Variants in RBPMS observed in about 807,000 individuals in gnomAD.
The protein encoded by RBPMS is RNA-binding protein with multiple splicing.
A neutral mutation model predicts 26.8 loss-of-function variants in RBPMS; 7 were observed. The ratio of observed to expected loss-of-function variants is 0.26; its 90% CI spans 0.15 to 0.49. The LOEUF is 0.49. Among genes scored for constraint, RBPMS ranks in the 20% least tolerant of loss-of-function variants. RBPMS has a pLI of 0.98. For missense variants in RBPMS, 186 were observed against 250.0 expected, an observed-to-expected ratio of 0.74 and a Z score of 1.73; for synonymous variants, 96 against 93.3, an observed-to-expected ratio of 1.03 and a Z score of -0.17.
intron 1 of RBPMS, among the ~76,000 whole-genome samples, chr8:30,425,589 G>A (rs1005379498): frequency 9.9e-5 from 15 of 151,660 alleles, no homozygotes; most frequent in African/African-American, 3.1e-4. Flanking sequence ...TAGTAGAGAC[G>A]GGGTTTCTCC....
chr8:30,479,722 C>T (rs1176652095), intron 4 of RBPMS, among the ~76,000 whole-genome samples: 1 of 151,876 alleles, frequency 6.6e-6, no homozygotes, highest in Non-Finnish European at 1.5e-5. Context: ...TTAGCTTGCT[C>T]ATCATTATAC....
rs573503726 is a variant in RBPMS at position 30,471,203 on chromosome 8, T to G, written c.67-3576T>G. Among the ~76,000 whole-genome samples the G allele has an allele frequency of 1.4e-4, 21 of 152,330 alleles. No homozygotes were observed. The East Asian group carries it at 4.1e-3, about 29-fold the overall frequency. Reference sequence around the variant, plus strand: ...GATAAATTTTTTTCCTCTAAATACTTATATGTTGGCTACTTTATAGAACAA... The same window carrying G: ...GATAAATTTTTTTCCTCTAAATACTGATATGTTGGCTACTTTATAGAACAA... On this transcript the variant is annotated intron_variant, in intron 1 of 8. Coordinates refer to ENST00000397323, the MANE Select transcript of RBPMS (RefSeq NM_001008710.3).
At chr8:30,411,305 G>A (rs1220912201) in intron 1 of RBPMS, among the ~76,000 whole-genome samples, 1 of 152,114 alleles carries the variant, frequency 6.6e-6, no homozygotes, top group African/African-American at 2.4e-5. Flanking sequence ...GGAATCTTCT[G>A]GAGATTCTGT....
At chr8:30,440,818 G>A (rs1396317469) in intron 1 of RBPMS, among the ~76,000 whole-genome samples, 1 of 149,786 alleles carries the variant, frequency 6.7e-6, no homozygotes, top group Non-Finnish European at 1.5e-5. Context: ...TTAAGAGATA[G>A]GTTTTCACTA....
chr8:30,422,952 A>G lies in RBPMS; in HGVS notation c.66+37794A>G, dbSNP rs138638705. Among the ~76,000 whole-genome samples, 700 of 152,362 alleles carry G rather than the reference A, an allele frequency of 4.6e-3. 5 individuals are homozygous for G. The highest frequency in any genetic ancestry group is 0.016 in the African/African-American group (664 of 41,580). The stretch of plus-strand genomic sequence containing the variant: ...AATGGGTGAAACAGGGAATTCTATG[A>G]TCGCAGCAAGTCCCTTTCTTCTACA... On this transcript the variant is annotated intron_variant, in intron 1 of 8. Transcript: ENST00000397323.
rs80297945 is a variant in RBPMS at position 30,411,571 on chromosome 8, G to A, written c.66+26413G>A. ...TCTCAGCTACTTGGGAGGCTGAGGT[G>A]AGAGGATTACTTGAGCCTGGGAGGC... On this transcript the variant is annotated intron_variant, in intron 1 of 8. Coordinates refer to ENST00000397323, the MANE Select transcript of RBPMS (RefSeq NM_001008710.3). Among the ~76,000 whole-genome samples, 1,128 of 151,450 alleles carry A rather than the reference G, an allele frequency of 7.4e-3. 25 individuals carry two copies. The East Asian group carries it at 0.077, about 10-fold the overall frequency.
chr8:30,549,283 GA>G (rs1304063644), intron 6 of RBPMS, among the ~76,000 whole-genome samples: 2 of 152,172 alleles, frequency 1.3e-5, no homozygotes, highest in East Asian at 3.9e-4. Flanking sequence ...TTTAGCACTT[GA>G]CCCCTGACCC....
chr8:30,410,846 C>T (rs1255834244), intron 1 of RBPMS, among the ~76,000 whole-genome samples: 3 of 151,714 alleles, frequency 2.0e-5, no homozygotes, highest in Non-Finnish European at 4.4e-5. Context: ...AGACATCTTC[C>T]TACCCCAGCC....
chr8:30,502,589 A>G (rs1820675233), intron 4 of RBPMS, among the ~76,000 whole-genome samples: 1 of 152,148 alleles, frequency 6.6e-6, no homozygotes, highest in Non-Finnish European at 1.5e-5. Flanking sequence ...TGTGTGTCTG[A>G]TGGAGTGTGG....
In RBPMS at chr8:30,422,698, T is replaced by TA. The variant is rs1354143915; in HGVS notation, c.66+37541dup. Among the ~76,000 whole-genome samples the TA allele has an allele frequency of 9.8e-5, 15 of 152,304 alleles. No homozygotes were observed. The East Asian group carries it at 2.5e-3, about 25-fold the overall frequency. ...ACGTTTCTGAACAAATTTAAATAGA[T>TA]ACCTGAGTGTGGATTTTAGAAAACT... On this transcript the variant is annotated intron_variant, in intron 1 of 8. Coordinates refer to ENST00000397323, the MANE Select transcript of RBPMS (RefSeq NM_001008710.3).
intron 6 of RBPMS, among the ~76,000 whole-genome samples, chr8:30,548,095 G>A (rs1410606560): frequency 2.0e-5 from 3 of 152,152 alleles, no homozygotes; most frequent in South Asian, 2.1e-4. Context: ...AGCAGACATC[G>A]GATTGCTAAG....
At chr8:30,460,376 T>C (rs1815743301) in intron 1 of RBPMS, among the ~76,000 whole-genome samples, 1 of 152,194 alleles carries the variant, frequency 6.6e-6, no homozygotes, top group Admixed American at 6.5e-5. Flanking sequence ...TTCAGCCATG[T>C]GGTGTTTTAA....
chr8:30,544,588 T>C lies in RBPMS; in HGVS notation c.492T>C (p.Pro164=). ...CGGAGTTAGCGCCTGCTCTACCTCC[T>C]CCTGCTTTCACCTATCCCGCTTCAC... ...YPAELAPALP[P]PAFTYPASLH... Residue 164 remains proline (P), a synonymous_variant, in exon 6 of 9, where the codon CCT becomes CCC. Coordinates refer to ENST00000397323, the MANE Select transcript of RBPMS (RefSeq NM_001008710.3). The C allele has an allele frequency of 6.2e-7, 1 of 1,614,182 alleles. No homozygotes were observed. The highest frequency in any genetic ancestry group is 8.5e-7 in the Non-Finnish European group (1 of 1,180,034).
chr8:30,478,712 A>C (rs772677132), intron 3 of RBPMS, among the ~76,000 whole-genome samples: 2 of 152,206 alleles, frequency 1.3e-5, no homozygotes, highest in East Asian at 3.9e-4. Context: ...GTTGGCCAGG[A>C]TGGTCTTGAT....
rs73570091 is a variant in RBPMS, at chr8:30,499,268, T to C, written c.247-5018T>C. 3.9e-3 allele frequency among the ~76,000 whole-genome samples: 601 copies of C among 152,292 alleles called. 3 individuals carry two copies. The highest frequency in any genetic ancestry group is 0.013 in the African/African-American group (558 of 41,558). On this transcript the variant is annotated intron_variant, in intron 4 of 8. Coordinates refer to ENST00000397323, the MANE Select transcript of RBPMS (RefSeq NM_001008710.3). Reference sequence around the variant, plus strand: ...CTGAGTGACAGAGCAAGACTCCGTCTGGTGGCAGCAGGGAGGAGCAATGAG... The same window carrying C: ...CTGAGTGACAGAGCAAGACTCCGTCCGGTGGCAGCAGGGAGGAGCAATGAG...
At chr8:30,503,721 T>C (rs541076225) in intron 4 of RBPMS, among the ~76,000 whole-genome samples, 1 of 152,088 alleles carries the variant, frequency 6.6e-6, no homozygotes, top group Non-Finnish European at 1.5e-5. Flanking sequence ...GACCACACCA[T>C]GAAAACATGG....
intron 5 of RBPMS, among the ~76,000 whole-genome samples, chr8:30,536,502 C>T (rs1824815988): frequency 6.6e-6 from 1 of 152,206 alleles, no homozygotes; most frequent in Admixed American, 6.5e-5. Flanking sequence ...GACACCTCTG[C>T]CTCCCCTTGC....
rs539222781 is a variant in RBPMS at position 30,408,361 on chromosome 8, T to C, written c.66+23203T>C. ...CTGGCCAATGTGGCGAAACTCTGTC[T>C]CTACTAAAAGTACAAAAATCAGCCA... On this transcript the variant is annotated intron_variant, in intron 1 of 8. Coordinates refer to ENST00000397323, the MANE Select transcript of RBPMS (RefSeq NM_001008710.3). Among the ~76,000 whole-genome samples the C allele has an allele frequency of 1.3e-3, 196 of 152,282 alleles. 1 individual carries two copies. The highest frequency in any genetic ancestry group is 1.4e-3 in the Non-Finnish European group (97 of 68,034).
intron 5 of RBPMS, among the ~76,000 whole-genome samples, chr8:30,531,364 C>T (rs955844308): frequency 6.6e-6 from 1 of 152,186 alleles, no homozygotes; most frequent in Non-Finnish European, 1.5e-5. Flanking sequence ...TGCTGACCCT[C>T]ATGCCCAGAT....
Sources: allele counts gnomAD v4.1 joint callset (sites outside exome capture counted in the v4.1 genomes callset), GRCh38; gene constraint gnomAD v4.1.1; transcripts MANE v1.5; gene names NCBI Gene and HGNC (gene_info 2026-07-23, HGNC 2026-07-21).